The following SYNE1 variants were observed in gnomAD, a reference collection of about 807,000 sequenced individuals.
The protein encoded by SYNE1 is nesprin-1.
In SYNE1, 616 loss-of-function variants were observed where a neutral mutation model predicts 1,111.0. The observed-to-expected ratio is 0.55, with a 90% CI of 0.52 to 0.59. SYNE1 has a LOEUF of 0.59. Ranked by LOEUF, SYNE1 falls within the 20% of genes least tolerant of loss-of-function variation. The pLI is 0.00. For missense variants in SYNE1, 10,006 were observed against 10,417.0 expected (o/e 0.96, Z 1.72); for synonymous variants, 3,855 against 3,825.8 (o/e 1.01, Z -0.28).
intron 3 of SYNE1, among the ~76,000 whole-genome samples, chr6:152,580,991 T>G (rs954924236): frequency 6.6e-6 from 1 of 152,236 alleles, no homozygotes; most frequent in Non-Finnish European, 1.5e-5. Context: ...GTTGCTCTTC[T>G]CTTGGCTTCT....
chr6:152,499,005 C>T (rs1329389501), intron 10 of SYNE1, among the ~76,000 whole-genome samples: 1 of 152,064 alleles, frequency 6.6e-6, no homozygotes, highest in Non-Finnish European at 1.5e-5. Context: ...TAGAATATCA[C>T]ATTTTTAACT....
chr6:152,240,578 C>T (rs2085389757), intron 107 of SYNE1, among the ~76,000 whole-genome samples: 1 of 152,150 alleles, frequency 6.6e-6, no homozygotes, highest in African/African-American at 2.4e-5. Context: ...TTTCCTGTTC[C>T]CAGTACCATG....
chr6:152,318,992 A>C lies in SYNE1; in HGVS notation c.16260T>G (p.Val5420=). Residue 5420 remains valine (V), a synonymous_variant, in exon 85 of 146, where the codon GTT becomes GTG. Coordinates refer to ENST00000367255, the MANE Select transcript of SYNE1 (RefSeq NM_182961.4). The part of the protein sequence containing the change: ...RDQIQDKIKE[V]EQSKATSQEL... ...CCTGGCTCGTGGCCTTGCTCTGCTC[A>C]ACTTCTTTTATTTTGTCTTGGATCT... 1 of 1,614,166 alleles carries C rather than the reference A, an allele frequency of 6.2e-7. No individual in the cohort carries two copies. Among genetic ancestry groups the C allele is most frequent in the Non-Finnish European group, 8.5e-7 (1 of 1,180,022 alleles).
intron 3 of SYNE1, among the ~76,000 whole-genome samples, chr6:152,540,573 A>T (rs1314110475): frequency 6.6e-6 from 1 of 152,246 alleles, no homozygotes; most frequent in Non-Finnish European, 1.5e-5. Flanking sequence ...CACCACATGG[A>T]GTCCCCATTT....
chr6:152,194,525 T>A (rs1000955707), intron 127 of SYNE1, among the ~76,000 whole-genome samples: 1 of 152,218 alleles, frequency 6.6e-6, no homozygotes, highest in Non-Finnish European at 1.5e-5. Flanking sequence ...ATAACCTTCT[T>A]GTACTTGGAT....
At chr6:152,456,715 T>G in intron 22 of SYNE1, 1 of 450,436 alleles carries the variant, frequency 2.2e-6, no homozygotes, top group Non-Finnish European at 4.4e-6. Context: ...ATTTTGGCAG[T>G]AGACAGCATG....
intron 8 of SYNE1, among the ~76,000 whole-genome samples, chr6:152,507,930 C>T (rs1360345061): frequency 6.6e-6 from 1 of 152,016 alleles, no homozygotes; most frequent in Non-Finnish European, 1.5e-5. Flanking sequence ...AAACTTTATA[C>T]GAAAACAGTG....
At chr6:152,178,982 C>T (rs1162858417) in intron 129 of SYNE1, among the ~76,000 whole-genome samples, 2 of 146,768 alleles carry the variant, frequency 1.4e-5, no homozygotes, top group Non-Finnish European at 3.0e-5. Context: ...GGCACAATCT[C>T]GGCTCACTGC....
chr6:152,262,082 T>C lies in SYNE1; in HGVS notation c.18922A>G (p.Thr6308Ala). The C allele has an allele frequency of 6.2e-7, 1 of 1,613,924 alleles. No individual in the cohort carries two copies. Among genetic ancestry groups the C allele is most frequent in the Non-Finnish European group, 8.5e-7 (1 of 1,179,972 alleles). The change falls in exon 101 of 146, where the codon ACC becomes GCC. Residue 6308 changes from threonine (T) to alanine (A), a missense_variant. Thr to Ala is a moderately conservative substitution (Grantham distance 58). Coordinates refer to ENST00000367255, the MANE Select transcript of SYNE1 (RefSeq NM_182961.4). The stretch of plus-strand genomic sequence containing the variant: ...ACATTCTGTAGTAGTTTCTGCTTGG[T>C]ACTAAATTCTTGATGTAGGCTTTCC... ...KWESLHQEFS[T>A]KQKLLQNVLE...
chr6:152,244,555 T>C lies in SYNE1; in HGVS notation c.19674A>G (p.Gln6558=). The C allele has an allele frequency of 6.2e-7, 1 of 1,614,088 alleles. No individual in the cohort carries two copies. The highest frequency in any genetic ancestry group is 1.1e-5 in the South Asian group (1 of 91,080). Residue 6558 remains glutamine (Q), a synonymous_variant, in exon 106 of 146, where the codon CAA becomes CAG. Transcript: ENST00000367255. ...DKLQVEQPSM[Q]ELSKLQDMYD... ...GCTGCACCTGGAGCTTGGAGAGTTC[T>C]TGCATGGACGGCTGCTCGACCTGTA... is the stretch of plus-strand genomic sequence containing the variant.
intron 132 of SYNE1, 111 bp from the exon 133 acceptor site, chr6:152,155,153 T>C (rs2061153106): frequency 7.4e-7 from 1 of 1,345,200 alleles, no homozygotes; most frequent in South Asian, 1.2e-5. Flanking sequence ...GCAACTGTTG[T>C]GCCAAACGAT....
At chr6:152,386,943 A>G (rs960264857) in intron 54 of SYNE1, 129 bp downstream of exon 54, 24 of 798,640 alleles carry the variant, frequency 3.0e-5, no homozygotes, top group African/African-American at 2.6e-4. Context: ...AGAGCAGCCA[A>G]TTCTCCAACA....
intron 15 of SYNE1, chr6:152,472,099 G>A (rs932139531): frequency 1.6e-5 from 10 of 613,762 alleles, no homozygotes; most frequent in Non-Finnish European, 2.6e-5. Context: ...TCTAGGCTGT[G>A]GATAAATTCA....
At chr6:152,447,415 C>T in intron 29 of SYNE1, 43 bp downstream of exon 29, 2 of 1,609,468 alleles carry the variant, frequency 1.2e-6, no homozygotes, top group East Asian at 2.2e-5. Flanking sequence ...TTCCAGATGC[C>T]TCACTCAGAA....
rs746078505 is a variant in SYNE1, at chr6:152,353,373, T to A, written c.11143A>T (p.Ser3715Cys). Reference sequence around the variant, plus strand: ...GAGCCATACCAATCAGAATAGGAACTGAGGGATGATTCTGATTCCTCCAAA... The same window carrying A: ...GAGCCATACCAATCAGAATAGGAACAGAGGGATGATTCTGATTCCTCCAAA... ...QSLEESESSL[S>C]SYSDWYGSTH... The change falls in exon 69 of 146, where the codon AGT (serine) becomes TGT (cysteine). Residue 3715 changes from serine to cysteine, a missense_variant. Physicochemically the swap from Ser to Cys is moderately radical, Grantham distance 112 (BLOSUM62 -1). Around this residue, in one of 7 missense-constraint regions of SYNE1, gnomAD observed 4,955 missense variants for 5,017.2 expected, o/e 0.99. Coordinates refer to ENST00000367255, the MANE Select transcript of SYNE1 (RefSeq NM_182961.4). 1 of 1,614,134 alleles carries A rather than the reference T, an allele frequency of 6.2e-7. No individual in the cohort carries two copies. The highest frequency in any genetic ancestry group is 8.5e-7 in the Non-Finnish European group (1 of 1,180,050).
At chr6:152,480,666 C>T in intron 14 of SYNE1, 1 of 429,156 alleles carries the variant, frequency 2.3e-6, no homozygotes, top group Non-Finnish European at 4.6e-6. Context: ...CATGCCCAGG[C>T]CTAGTAGAAG....
intron 45 of SYNE1, among the ~76,000 whole-genome samples, chr6:152,406,393 G>A (rs1479766440): frequency 1.3e-5 from 2 of 151,808 alleles, no homozygotes; most frequent in African/African-American, 4.8e-5. Context: ...TGAAGTAGAA[G>A]GATGCCATAT....
intron 63 of SYNE1, among the ~76,000 whole-genome samples, chr6:152,363,138 C>T (rs1407894797): frequency 1.7e-4 from 25 of 150,728 alleles, no homozygotes; most frequent in Non-Finnish European, 3.7e-4. Context: ...GCCTCGGCCT[C>T]CCAAAGTGCT....
intron 39 of SYNE1, among the ~76,000 whole-genome samples, chr6:152,423,888 A>ATC (rs1376659137): frequency 6.6e-6 from 1 of 152,154 alleles, no homozygotes; most frequent in Non-Finnish European, 1.5e-5. Flanking sequence ...ACAGATCTTA[A>ATC]TCTGATGTCA....
Sources: allele counts gnomAD v4.1 joint callset (sites outside exome capture counted in the v4.1 genomes callset), GRCh38; gene constraint gnomAD v4.1.1; regional missense constraint gnomAD v4.1.1; transcripts MANE v1.5; gene names NCBI Gene and HGNC (gene_info 2026-07-23, HGNC 2026-07-21).